Variants in DENND4C observed in about 807,000 individuals in gnomAD.
DENND4C encodes DENN domain containing 4C.
A neutral mutation model predicts 203.0 loss-of-function variants in DENND4C; 108 were observed. That is an observed-to-expected ratio of 0.53 (90% CI 0.46 to 0.62). The LOEUF is 0.62. Ranked by LOEUF, DENND4C falls within the 20% of genes least tolerant of loss-of-function variation. The probability of loss-of-function intolerance (pLI) is 0.00; values close to 1 mark genes in which losing one functional copy is unlikely to be tolerated. For missense variants in DENND4C, 2,481 were observed against 2,301.2 expected (o/e 1.08, Z -1.60); for synonymous variants, 871 against 792.4 (o/e 1.10, Z -1.67).
intron 1 of DENND4C, among the ~76,000 whole-genome samples, chr9:19,253,542 AT>A (rs1418014729): frequency 2.6e-5 from 4 of 152,220 alleles, no homozygotes; most frequent in African/African-American, 9.6e-5. Context: ...CCAAGCCCCT[AT>A]TTTAAATTGC....
chr9:19,346,554 G>C lies in DENND4C; in HGVS notation c.3785G>C (p.Gly1262Ala). The change falls in exon 23 of 33, where the codon GGA becomes GCA. Residue 1262 changes from glycine to alanine, a missense_variant. By Grantham distance (60) the Gly-to-Ala change is moderately conservative (BLOSUM62 0). Coordinates refer to ENST00000434457, the MANE Select transcript of DENND4C (RefSeq NM_001330640.2). ...PLSLLATECT[G>A]GKTPDSEDKL... The stretch of plus-strand genomic sequence containing the variant: ...TCTCTTTTAGCCACTGAATGTACAG[G>C]AGGAAAAACTCCTGATTCTGAAGAT... The C allele has an allele frequency of 6.2e-7, 1 of 1,614,108 alleles. No homozygotes were observed. Among genetic ancestry groups the C allele is most frequent in the Non-Finnish European group, 8.5e-7 (1 of 1,180,030 alleles).
chr9:19,354,970 C>G (rs143732224), intron 26 of DENND4C, among the ~76,000 whole-genome samples: 4 of 148,746 alleles, frequency 2.7e-5, no homozygotes, highest in Non-Finnish European at 5.9e-5. Flanking sequence ...AGTACAGTGG[C>G]GCAATCTTGG....
At chr9:19,302,029 A>G (rs1270809108) in intron 9 of DENND4C, among the ~76,000 whole-genome samples, 4 of 152,212 alleles carry the variant, frequency 2.6e-5, no homozygotes, top group Admixed American at 2.6e-4. Context: ...CTTTTGATGG[A>G]TTTCAGTAGT....
chr9:19,255,782 T>C (rs1378117831), intron 1 of DENND4C, among the ~76,000 whole-genome samples: 2 of 152,246 alleles, frequency 1.3e-5, no homozygotes, highest in East Asian at 3.8e-4. Flanking sequence ...TCAGAGATTT[T>C]AATGCCATTC....
At chr9:19,296,780 GTTC>G (rs1311211931) in intron 6 of DENND4C, among the ~76,000 whole-genome samples, 3 of 152,162 alleles carry the variant, frequency 2.0e-5, no homozygotes, top group African/African-American at 7.2e-5. Flanking sequence ...TATTGTGAGT[GTTC>G]TTCTTCCTAT....
At chr9:19,277,576 T>A (rs965485082) in intron 2 of DENND4C, among the ~76,000 whole-genome samples, 10 of 152,180 alleles carry the variant, frequency 6.6e-5, no homozygotes, top group South Asian at 4.1e-4. Context: ...GGGATTTTTT[T>A]AAATATATAG....
intron 2 of DENND4C, among the ~76,000 whole-genome samples, chr9:19,283,331 G>T (rs192977490): frequency 8.5e-5 from 13 of 152,244 alleles, no homozygotes; most frequent in African/African-American, 3.1e-4. Context: ...TGTCTTCTAT[G>T]ATAAGAATGC....
At chr9:19,345,507 G>C (rs1822673612) in intron 22 of DENND4C, among the ~76,000 whole-genome samples, 1 of 152,178 alleles carries the variant, frequency 6.6e-6, no homozygotes, top group Non-Finnish European at 1.5e-5. Flanking sequence ...TTTGAGTATA[G>C]CAAATATACA....
At chr9:19,341,145 A>G (rs767101960) in intron 21 of DENND4C, 31 bp downstream of exon 21, 28 of 1,537,836 alleles carry the variant, frequency 1.8e-5, no homozygotes, top group Non-Finnish European at 2.4e-5. Context: ...AACTTTACTT[A>G]GAATAATACC....
At chr9:19,234,087 T>G (rs1016234745) in intron 1 of DENND4C, among the ~76,000 whole-genome samples, 1 of 152,200 alleles carries the variant, frequency 6.6e-6, no homozygotes, top group Non-Finnish European at 1.5e-5. Context: ...GTCTTTTAAT[T>G]TAACATGCTT....
intron 23 of DENND4C, 35 bp downstream of exon 23, chr9:19,347,121 T>TTTG: frequency 6.5e-7 from 1 of 1,550,064 alleles, no homozygotes; most frequent in Non-Finnish European, 8.8e-7. Context: ...CTGTCTGCTA[T>TTTG]TGGAGTGTTT....
intron 22 of DENND4C, among the ~76,000 whole-genome samples, chr9:19,344,247 C>T (rs530801196): frequency 1.1e-4 from 17 of 152,074 alleles, no homozygotes; most frequent in South Asian, 2.1e-4. Flanking sequence ...AAAAAGAAAA[C>T]GAAGGAAAAG....
At chr9:19,239,650 C>T (rs1823191478) in intron 1 of DENND4C, among the ~76,000 whole-genome samples, 1 of 151,962 alleles carries the variant, frequency 6.6e-6, no homozygotes, top group Admixed American at 6.6e-5. Context: ...CCATGCCCGG[C>T]TAATTTTTGT....
intron 1 of DENND4C, among the ~76,000 whole-genome samples, chr9:19,254,334 G>A (rs985035430): frequency 1.3e-5 from 2 of 152,178 alleles, no homozygotes; most frequent in African/African-American, 2.4e-5. Context: ...TGGAAGTAAC[G>A]TTAGTGTCCA....
intron 10 of DENND4C, among the ~76,000 whole-genome samples, chr9:19,311,967 T>G (rs192492251): frequency 6.6e-6 from 1 of 152,192 alleles, no homozygotes; most frequent in East Asian, 1.9e-4. Flanking sequence ...GAAATCATGT[T>G]TGTTCAAAAT....
rs1439597916 is a variant in DENND4C, at chr9:19,373,399, T to C, written c.*1226T>C. 3.3e-5 allele frequency: 5 copies of C among 152,770 alleles called. No homozygotes were observed. The highest frequency in any genetic ancestry group is 1.9e-4 in the East Asian group (1 of 5,190). 9.5% of individuals were successfully genotyped at this position (152,770 alleles called of 1,614,324 possible). Reference sequence around the variant, plus strand: ...GCTTAAAATGCTAAAGTGTATGTCATTGAACATGAAATCTTTTTTCAGGCA... The same window carrying C: ...GCTTAAAATGCTAAAGTGTATGTCACTGAACATGAAATCTTTTTTCAGGCA... On this transcript the variant is annotated 3_prime_UTR_variant, in exon 33 of 33. Transcript: ENST00000434457.
intron 1 of DENND4C, among the ~76,000 whole-genome samples, chr9:19,272,067 C>A (rs1345481097): frequency 6.6e-6 from 1 of 151,694 alleles, no homozygotes; most frequent in Non-Finnish European, 1.5e-5. Context: ...GACTTTTGAA[C>A]AAAGGTATGA....
At chr9:19,303,433 A>G (rs1489739918) in intron 9 of DENND4C, among the ~76,000 whole-genome samples, 1 of 152,194 alleles carries the variant, frequency 6.6e-6, no homozygotes, top group African/African-American at 2.4e-5. Flanking sequence ...TATATTGCCT[A>G]TGACTGCTTT....
chr9:19,320,432 C>G (rs1220826083), intron 12 of DENND4C, among the ~76,000 whole-genome samples: 1 of 152,226 alleles, frequency 6.6e-6, no homozygotes, highest in African/African-American at 2.4e-5. Flanking sequence ...CTCCTGACCT[C>G]AGGTGATCTG....
Sources: gnomAD v4.1 joint callset for allele counts (sites outside exome capture counted in the v4.1 genomes callset) on GRCh38, gnomAD v4.1.1 for gene constraint, MANE v1.5 for transcripts, NCBI Gene and HGNC (gene_info 2026-07-23, HGNC 2026-07-21) for gene names.